The following MTREX variants were observed in gnomAD, a reference collection of about 807,000 sequenced individuals.
MTREX encodes Mtr4 exosome RNA helicase, also known as exosome RNA helicase MTR4.
In MTREX, 76 loss-of-function variants were observed where a neutral mutation model predicts 135.4. The observed-to-expected ratio is 0.56, with a 90% CI of 0.47 to 0.68. The LOEUF (loss-of-function observed/expected upper bound fraction) is 0.68, where lower values mean the gene tolerates loss of function less well. MTREX is among the 30% of genes least tolerant of loss of function. MTREX has a pLI of 0.00. For missense variants in MTREX, 920 were observed against 1,262.1 expected (o/e 0.73, Z 4.11); for synonymous variants, 404 against 401.6 (o/e 1.01, Z -0.07).
rs755192954 is a variant in MTREX at position 55,343,392 on chromosome 5, T to C, written c.843T>C (p.Phe281=). ...TTCCTGATAACGTCCACTATGTCTT[T>C]CTTTCGGCTACTATTCCAAATGCCC... ...ILLPDNVHYV[F]LSATIPNARQ... The change falls in exon 8 of 27, where the codon TTT becomes TTC. Residue 281 remains phenylalanine, a synonymous_variant. Coordinates refer to ENST00000230640, the MANE Select transcript of MTREX (RefSeq NM_015360.5). The C allele has an allele frequency of 2.5e-6, 4 of 1,613,450 alleles. No homozygotes were observed. In the East Asian group the frequency reaches 8.9e-5, roughly 36 times the overall value.
chr5:55,397,654 G>T, intron 20 of MTREX, 128 bp downstream of exon 20: 2 of 518,534 alleles, frequency 3.9e-6, no homozygotes, highest in Admixed American at 3.4e-5. Flanking sequence ...TACCAATAGT[G>T]ACAATTATTT....
chr5:55,354,604 G>A (rs1379793621), intron 14 of MTREX, among the ~76,000 whole-genome samples: 1 of 152,190 alleles, frequency 6.6e-6, no homozygotes, highest in Admixed American at 6.5e-5. Context: ...CTCTACAAAA[G>A]AGGAATACGA....
intron 25 of MTREX, among the ~76,000 whole-genome samples, chr5:55,417,307 A>C (rs1014587360): frequency 6.6e-6 from 1 of 152,152 alleles, no homozygotes; most frequent in African/African-American, 2.4e-5. Context: ...GTAATCACCA[A>C]ATAGCAATTC....
At chr5:55,364,218 CAG>C (rs1315492215) in intron 15 of MTREX, among the ~76,000 whole-genome samples, 10 of 152,156 alleles carry the variant, frequency 6.6e-5, no homozygotes, top group Admixed American at 3.9e-4. Flanking sequence ...TTTGCTAAGA[CAG>C]AGGATTTGTG....
chr5:55,345,758 C>T (rs1465567388), intron 10 of MTREX, among the ~76,000 whole-genome samples: 2 of 151,098 alleles, frequency 1.3e-5, no homozygotes, highest in African/African-American at 2.4e-5. Flanking sequence ...CTTTCTGCCT[C>T]CTGGGTTCAA....
rs1248236581 is a variant in MTREX at position 55,308,163 on chromosome 5, C to T, written c.134+16C>T. ...ACAAGGCAGGGTAAGGAAGAAGTTC[C>T]AGTTGTTGCTTTTATTTTTTTTCTC... On this transcript the variant is annotated intron_variant, in intron 1 of 26. Transcript: ENST00000230640. 6.4e-7 allele frequency: 1 copy of T among 1,562,436 alleles called. No homozygotes were observed. The highest frequency in any genetic ancestry group is 8.6e-7 in the Non-Finnish European group (1 of 1,158,100).
At chr5:55,349,780 C>G (rs926428197) in intron 12 of MTREX, 128 bp downstream of exon 12, 2 of 536,104 alleles carry the variant, frequency 3.7e-6, no homozygotes, top group Non-Finnish European at 6.7e-6. Context: ...GTGATATGCC[C>G]TTAATGATAC....
At chr5:55,324,776 T>G (rs957992198) in intron 3 of MTREX, 1 of 152,144 alleles carries the variant, frequency 6.6e-6, no homozygotes, top group Admixed American at 6.5e-5. Flanking sequence ...ACCTCTTTGT[T>G]TATTTAAAAA....
chr5:55,388,189 A>G, intron 19 of MTREX, 87 bp downstream of exon 19: 1 of 1,151,666 alleles, frequency 8.7e-7, no homozygotes, highest in East Asian at 2.6e-5. Context: ...ATGGTAATGA[A>G]CATACTATCA....
At chr5:55,410,664 A>T (rs1226066274) in intron 23 of MTREX, 35 bp downstream of exon 23, 1 of 1,286,498 alleles carries the variant, frequency 7.8e-7, no homozygotes, top group South Asian at 1.3e-5. Context: ...TTATTTATTA[A>T]TTCACACATC....
chr5:55,393,815 T>C (rs1223558207), intron 19 of MTREX, among the ~76,000 whole-genome samples: 3 of 152,262 alleles, frequency 2.0e-5, no homozygotes, highest in African/African-American at 7.2e-5. Context: ...ATGATGTTTT[T>C]AAATATCTGA....
intron 22 of MTREX, among the ~76,000 whole-genome samples, chr5:55,406,379 T>G (rs191568798): frequency 6.6e-6 from 1 of 152,290 alleles, no homozygotes; most frequent in East Asian, 1.9e-4. Flanking sequence ...CCATGTGGTC[T>G]CTCCATGTGG....
rs1339695329 is a variant in MTREX, at chr5:55,425,055, A to G, written c.*283A>G. ...GATAACCACTGAGTTAAAGGTAACT[A>G]TGTACACACAAAGTGTGCATCCAAG... On this transcript the variant is annotated 3_prime_UTR_variant, in exon 27 of 27. Transcript: ENST00000230640. The G allele has an allele frequency of 1.4e-5, 15 of 1,052,192 alleles. No individual in the cohort carries two copies. Among genetic ancestry groups the G allele is most frequent in the Middle Eastern group, 5.7e-4 (2 of 3,518 alleles). 65.2% of individuals were successfully genotyped at this position (1,052,192 alleles called of 1,614,324 possible).
chr5:55,368,406 T>TACC lies in MTREX; in HGVS notation c.1810+1534_1810+1536dup, dbSNP rs113374182. On this transcript the variant is annotated intron_variant, in intron 16 of 26. Coordinates refer to ENST00000230640, the MANE Select transcript of MTREX (RefSeq NM_015360.5). ...CAGAGGTTGCAGTGAGCCGAGATTGTACCACTGCACTTCAGCCTGGGTGAC... is the reference window on the plus strand; with the variant it reads ...CAGAGGTTGCAGTGAGCCGAGATTGTACCACCACTGCACTTCAGCCTGGGTGAC... 6.9e-3 allele frequency among the ~76,000 whole-genome samples: 1,052 copies of TACC among 152,252 alleles called. 14 individuals carry two copies. The highest frequency in any genetic ancestry group is 0.023 in the African/African-American group (938 of 41,572).
intron 14 of MTREX, among the ~76,000 whole-genome samples, chr5:55,355,790 C>T (rs34654447): frequency 0.06 from 9,165 of 152,266 alleles, 491 homozygotes; most frequent in African/African-American, 0.12. Flanking sequence ...TTGTGTTTAC[C>T]TGGGCCTCCC....
At chr5:55,366,006 A>G (rs1178956122) in intron 15 of MTREX, among the ~76,000 whole-genome samples, 5 of 151,690 alleles carry the variant, frequency 3.3e-5, no homozygotes, top group Non-Finnish European at 5.9e-5. Flanking sequence ...AAAAAAAAAA[A>G]CTTCTGAAGA....
At chr5:55,332,083 A>G (rs911120749) in intron 5 of MTREX, among the ~76,000 whole-genome samples, 9 of 152,292 alleles carry the variant, frequency 5.9e-5, no homozygotes, top group African/African-American at 1.9e-4. Context: ...TTGCTACTCA[A>G]AGTATAGTCC....
At chr5:55,378,540 T>A (rs1405686500) in intron 17 of MTREX, 54 bp downstream of exon 17, 2 of 1,515,148 alleles carry the variant, frequency 1.3e-6, no homozygotes, top group African/African-American at 1.4e-5. Context: ...TTAAACATAT[T>A]TTTGTTAAAG....
chr5:55,412,164 A>G (rs1203531882), intron 23 of MTREX, among the ~76,000 whole-genome samples: 1 of 152,132 alleles, frequency 6.6e-6, no homozygotes, highest in African/African-American at 2.4e-5. Context: ...GAGATGGAAG[A>G]TTGTACTGAT....
Sources: allele counts gnomAD v4.1 joint callset (sites outside exome capture counted in the v4.1 genomes callset), GRCh38; gene constraint gnomAD v4.1.1; transcripts MANE v1.5; gene names NCBI Gene and HGNC (gene_info 2026-07-23, HGNC 2026-07-21).